RSAD2: variants seen among roughly 807,000 people sequenced by gnomAD.
The protein encoded by RSAD2 is radical S-adenosyl methionine domain containing 2, also known as S-adenosylmethionine-dependent nucleotide dehydratase RSAD2.
Under a neutral mutation model 37.7 loss-of-function variants are expected in RSAD2, and 38 were observed. The ratio of observed to expected loss-of-function variants is 1.01; its 90% CI spans 0.78 to 1.32. RSAD2 has a LOEUF of 1.32. Ranked by LOEUF, RSAD2 falls within the 40% of genes most tolerant of loss-of-function variation. RSAD2 has a pLI of 0.00. For missense variants in RSAD2, 428 were observed against 437.5 expected, an observed-to-expected ratio of 0.98 and a Z score of 0.19; for synonymous variants, 163 against 157.4, an observed-to-expected ratio of 1.04 and a Z score of -0.27.
At chr2:6,866,564 G>A in intron 1 of RSAD2, 3 of 709,098 alleles carry the variant, frequency 4.2e-6, no homozygotes, top group Non-Finnish European at 5.2e-6. Context: ...AAGGTGAAGT[G>A]TGTCAGGATA....
intron 1 of RSAD2, among the ~76,000 whole-genome samples, chr2:6,867,148 C>G (rs1016072717): frequency 8.5e-5 from 13 of 152,190 alleles, no homozygotes; most frequent in African/African-American, 3.1e-4. Context: ...GACCTTTTCC[C>G]TATGCCATCC....
chr2:6,887,190 G>A lies in RSAD2; in HGVS notation c.738+26G>A, dbSNP rs367829843. On this transcript the variant is annotated intron_variant, in intron 3 of 5. Coordinates refer to ENST00000382040, the MANE Select transcript of RSAD2 (RefSeq NM_080657.5). ...GTAAGTACACAAGGTCGCTTTTGCTGATTTCCTTCAAGAAAACTTTCAGGA... is the reference window on the plus strand; with the variant it reads ...GTAAGTACACAAGGTCGCTTTTGCTAATTTCCTTCAAGAAAACTTTCAGGA... 19 of 1,561,794 alleles carry A rather than the reference G, an allele frequency of 1.2e-5. No individual in the cohort carries two copies. In the African/African-American group the frequency reaches 1.9e-4, roughly 16 times the overall value.
upstream of RSAD2, among the ~76,000 whole-genome samples, chr2:6,875,521 T>C (rs982387329): frequency 2.0e-5 from 3 of 152,218 alleles, no homozygotes; most frequent in Non-Finnish European, 4.4e-5. Flanking sequence ...TGATGGTTCC[T>C]AATCTTCACC....
upstream of RSAD2, chr2:6,877,630 A>G: frequency 1.7e-6 from 1 of 603,278 alleles, no homozygotes; most frequent in South Asian, 2.1e-5. Flanking sequence ...CCCTGTTTCA[A>G]CTTTCAGTTT....
chr2:6,865,985 G>C, exon 1 of RSAD2: 1 of 847,098 alleles, frequency 1.2e-6, no homozygotes, highest in Non-Finnish European at 1.6e-6. Flanking sequence ...GGCCTGCGCG[G>C]TCCCCAGGCG....
exon 1 of RSAD2, chr2:6,865,941 C>T: frequency 7.4e-7 from 1 of 1,343,584 alleles, no homozygotes; most frequent in African/African-American, 1.6e-5. Context: ...GGAGCAGACG[C>T]TTGGCCCCGG....
intron 1 of RSAD2, chr2:6,866,497 G>A (rs755199990): frequency 2.0e-6 from 2 of 985,098 alleles, no homozygotes; most frequent in East Asian, 1.1e-4. Context: ...GGGAAGTGTC[G>A]CCCAGATTGG....
At chr2:6,868,476 G>T (rs1320630969) in intron 1 of RSAD2, among the ~76,000 whole-genome samples, 6 of 152,112 alleles carry the variant, frequency 3.9e-5, no homozygotes, top group African/African-American at 1.4e-4. Context: ...TAAATGATGA[G>T]CTCAGAAAAT....
In RSAD2 at chr2:6,878,007, C is replaced by T. The variant is rs2103239347; in HGVS notation, c.207C>T (p.Pro69=). 2 of 1,614,054 alleles carry T rather than the reference C, an allele frequency of 1.2e-6. No individual in the cohort carries two copies. The highest frequency in any genetic ancestry group is 2.2e-5 in the East Asian group (1 of 44,896). The change falls in exon 1 of 6, where the codon CCC becomes CCT. Residue 69 remains proline (P), a synonymous_variant. Coordinates refer to ENST00000382040, the MANE Select transcript of RSAD2 (RefSeq NM_080657.5). ...TKEEEEDPPL[P]TTPTSVNYHF... is the part of the protein sequence containing the mutation. ...AGGAGGAAGAGGACCCTCCTCTGCC[C>T]ACCACCCCAACCAGCGTCAACTATC...
chr2:6,887,328 A>G (rs1323371990), intron 3 of RSAD2, among the ~76,000 whole-genome samples, 164 bp downstream of exon 3: 1 of 152,214 alleles, frequency 6.6e-6, no homozygotes, highest in African/African-American at 2.4e-5. Flanking sequence ...ACTTAAAACT[A>G]TACTTTTCTT....
intron 5 of RSAD2, 55 bp from the exon 6 acceptor site, chr2:6,895,723 G>T: frequency 6.7e-7 from 1 of 1,494,520 alleles, no homozygotes; most frequent in Non-Finnish European, 9.2e-7. Context: ...TCTAGATTGA[G>T]TTTTACAGGA....
At chr2:6,868,703 G>A (rs946119763) in intron 1 of RSAD2, among the ~76,000 whole-genome samples, 3 of 152,196 alleles carry the variant, frequency 2.0e-5, no homozygotes, top group Non-Finnish European at 4.4e-5. Context: ...AATTTGAAGA[G>A]TATTCTCCTC....
At chr2:6,866,475 G>C (rs931397655) in intron 1 of RSAD2, 165 of 985,506 alleles carry the variant, frequency 1.7e-4, no homozygotes, top group Non-Finnish European at 1.9e-4. Context: ...CCCTTTTGCT[G>C]ACTCTCCAAC....
chr2:6,885,118 TAA>T, intron 2 of RSAD2, among the ~76,000 whole-genome samples: 1 of 152,230 alleles, frequency 6.6e-6, no homozygotes, highest in Admixed American at 6.5e-5. Context: ...TTTATTAGAA[TAA>T]AGGATACAGA....
chr2:6,872,560 A>T (rs756797767), intron 1 of RSAD2, among the ~76,000 whole-genome samples: 2 of 152,156 alleles, frequency 1.3e-5, no homozygotes, highest in Admixed American at 6.6e-5. Context: ...GGTTGAAAAG[A>T]AAAGAGAAAT....
At chr2:6,887,623 A>C (rs1254303428) in intron 3 of RSAD2, among the ~76,000 whole-genome samples, 2 of 152,254 alleles carry the variant, frequency 1.3e-5, no homozygotes, top group African/African-American at 4.8e-5. Flanking sequence ...CTTTATTCCC[A>C]GATTCATGCT....
rs1663801599 is a variant in RSAD2 at position 6,897,468 on chromosome 2, A to G, written c.*1526A>G. The G allele has an allele frequency of 6.6e-6, 1 of 152,122 alleles. No homozygotes were observed. The highest frequency in any genetic ancestry group is 2.4e-5 in the African/African-American group (1 of 41,424). 9.4% of individuals were successfully genotyped at this position (152,122 alleles called of 1,614,324 possible). A position where few individuals can be genotyped will look rare whatever the true frequency, so the allele number is the denominator to read the frequency against. ...GGTTTTTGTGACTTTGTTTCTCAGG[A>G]AAAAAAATATTCCTACTTAAATTTT... On this transcript the variant is annotated 3_prime_UTR_variant, in exon 6 of 6. Coordinates refer to ENST00000382040, the MANE Select transcript of RSAD2 (RefSeq NM_080657.5).
At chr2:6,894,250 C>T (rs1663692822) in intron 5 of RSAD2, among the ~76,000 whole-genome samples, 1 of 151,608 alleles carries the variant, frequency 6.6e-6, no homozygotes, top group African/African-American at 2.4e-5. Context: ...GGGAAACCTA[C>T]CCTTCTCAAA....
At chr2:6,877,203 C>T (rs890651493), upstream of RSAD2, 3 of 152,198 alleles carry the variant, frequency 2.0e-5, no homozygotes, top group Non-Finnish European at 4.4e-5. Flanking sequence ...AATTTTAACA[C>T]TGTCACCTTG....
Sources: gnomAD v4.1 joint callset for allele counts (sites outside exome capture counted in the v4.1 genomes callset) on GRCh38, gnomAD v4.1.1 for gene constraint, MANE v1.5 for transcripts, NCBI Gene and HGNC (gene_info 2026-07-23, HGNC 2026-07-21) for gene names.